PGAP4: variants seen among roughly 807,000 people sequenced by gnomAD.
PGAP4 encodes post-GPI attachment to proteins GalNAc transferase 4.
PGAP4 carries 12 observed loss-of-function variants against 28.2 expected under a neutral mutation model. The observed-to-expected ratio is 0.42, with a 90% CI of 0.27 to 0.69. The LOEUF is 0.69. Ranked by LOEUF, PGAP4 falls within the 30% of genes least tolerant of loss-of-function variation. The pLI, the probability that PGAP4 is intolerant of heterozygous loss-of-function variation, is 0.22. For synonymous variants in PGAP4, 205 were observed against 211.8 expected, an observed-to-expected ratio of 0.97 and a Z score of 0.28; for missense variants, 425 against 513.5, an observed-to-expected ratio of 0.83 and a Z score of 1.67.
intron 2 of PGAP4, among the ~76,000 whole-genome samples, chr9:101,504,205 G>GTTT (rs373740296): frequency 1.4e-4 from 5 of 34,586 alleles, no homozygotes; most frequent in Non-Finnish European, 2.4e-4. Context: ...GTGTGTGTGT[G>GTTT]TTTGTTTTTT....
chr9:101,486,148 G>A lies in PGAP4; in HGVS notation c.-78+801C>T, dbSNP rs1826609377. On this transcript the variant is annotated intron_variant, in intron 1 of 1. Coordinates refer to ENST00000374848, the MANE Select transcript of PGAP4 (RefSeq NM_032342.3). This position sits in a 1 kb window ranked among gnomAD's most constrained non-coding sequence, Gnocchi z 4.7. ...CGACACTAGCGACGCCGGAGCCAAG[G>A]GCCAGAAAGAGGGCGAGACACACCC... Among the ~76,000 whole-genome samples, 2 of 152,144 alleles carry A rather than the reference G, an allele frequency of 1.3e-5. No individual in the cohort carries two copies. The highest frequency in any genetic ancestry group is 2.9e-5 in the Non-Finnish European group (2 of 68,026).
At chr9:101,489,567 G>A (rs62575809), upstream of PGAP4, among the ~76,000 whole-genome samples, 49,741 of 152,142 alleles carry the variant, frequency 0.33, 8,297 homozygotes, top group East Asian at 0.42. Flanking sequence ...TGTCACTAAT[G>A]GAATGAGGCA....
chr9:101,519,867 G>A (rs1826973789), intron 2 of PGAP4, among the ~76,000 whole-genome samples: 1 of 152,114 alleles, frequency 6.6e-6, no homozygotes, highest in East Asian at 1.9e-4. Context: ...TTAGGTTTAA[G>A]AGCTTAATCC....
intron 2 of PGAP4, among the ~76,000 whole-genome samples, chr9:101,509,822 C>G (rs1826879825): frequency 6.6e-6 from 1 of 152,112 alleles, no homozygotes; most frequent in African/African-American, 2.4e-5. Flanking sequence ...TCAGAAGCAA[C>G]CTCTTGGACC....
chr9:101,522,777 G>C (rs1826999626), intron 2 of PGAP4, among the ~76,000 whole-genome samples: 3 of 151,970 alleles, frequency 2.0e-5, no homozygotes, highest in African/African-American at 7.2e-5. Context: ...TACTTTGTGT[G>C]TTTTGTTTTT....
At chr9:101,498,030 T>C (rs1480096255) in intron 2 of PGAP4, among the ~76,000 whole-genome samples, 1 of 151,846 alleles carries the variant, frequency 6.6e-6, no homozygotes, top group African/African-American at 2.4e-5. Context: ...TTTATATGGC[T>C]AAACCTTATT....
intron 2 of PGAP4, among the ~76,000 whole-genome samples, chr9:101,494,899 A>G (rs890142687): frequency 1.3e-5 from 2 of 150,926 alleles, no homozygotes; most frequent in Non-Finnish European, 1.5e-5. Flanking sequence ...TAAATTTTAT[A>G]TATTTTTTCA....
chr9:101,525,175 T>C (rs1219676421), intron 2 of PGAP4, among the ~76,000 whole-genome samples: 1 of 152,350 alleles, frequency 6.6e-6, no homozygotes, highest in African/African-American at 2.4e-5. Flanking sequence ...TTAAGTTCTT[T>C]GAGAAATCTC....
intron 2 of PGAP4, among the ~76,000 whole-genome samples, chr9:101,527,335 T>C (rs946865027): frequency 6.6e-6 from 1 of 152,234 alleles, no homozygotes; most frequent in Non-Finnish European, 1.5e-5. Context: ...CCTGGCCGTA[T>C]ACTACTGCTG....
intron 2 of PGAP4, among the ~76,000 whole-genome samples, chr9:101,499,083 C>T (rs80010739): frequency 0.038 from 5,756 of 151,690 alleles, 161 homozygotes; most frequent in Admixed American, 0.076. Context: ...AGTATTCAAT[C>T]GAAAAAGACT....
intron 2 of PGAP4, among the ~76,000 whole-genome samples, chr9:101,511,962 C>T: frequency 6.6e-6 from 1 of 152,094 alleles, no homozygotes; most frequent in East Asian, 1.9e-4. Context: ...TAGTCTCTCT[C>T]CAGCCAGAAT....
At chr9:101,478,441 T>C (rs958854602) in intron 1 of PGAP4, among the ~76,000 whole-genome samples, 1 of 152,204 alleles carries the variant, frequency 6.6e-6, no homozygotes, top group Non-Finnish European at 1.5e-5. Flanking sequence ...TTGTGAGTTA[T>C]TGCAAAGGGA....
At chr9:101,489,987 A>G (rs2118570136), upstream of PGAP4, among the ~76,000 whole-genome samples, 1 of 152,228 alleles carries the variant, frequency 6.6e-6, no homozygotes. Flanking sequence ...GGGATGGAGG[A>G]CAAACAATAC....
intron 2 of PGAP4, among the ~76,000 whole-genome samples, chr9:101,530,509 CTTTT>C (rs955078530): frequency 6.6e-6 from 1 of 152,160 alleles, no homozygotes; most frequent in Non-Finnish European, 1.5e-5. Flanking sequence ...ATTAAGTATT[CTTTT>C]TATCATTGCT....
intron 2 of PGAP4, among the ~76,000 whole-genome samples, chr9:101,519,087 T>C (rs929000251): frequency 6.6e-6 from 1 of 152,210 alleles, no homozygotes; most frequent in African/African-American, 2.4e-5. Context: ...CTTTTTCATA[T>C]GTTTATTGGC....
In PGAP4 at chr9:101,476,898, G is replaced by T. The variant is rs1375913590; in HGVS notation, c.195C>A (p.Phe65Leu). The change falls in exon 2 of 2, where the codon TTC becomes TTA. Residue 65 changes from phenylalanine to leucine, a missense_variant. Coordinates refer to ENST00000374848, the MANE Select transcript of PGAP4 (RefSeq NM_032342.3). This position sits in a 1 kb window ranked among gnomAD's most constrained non-coding sequence, Gnocchi z 7.0. ...HWHLNQMSQE[F>L]LQQSLKEGEA... Reference sequence around the variant, plus strand: ...CACCCTCTTTCAAGCTTTGCTGCAGGAACTCTTGGCTCATTTGGTTCAGAT... The same window carrying T: ...CACCCTCTTTCAAGCTTTGCTGCAGTAACTCTTGGCTCATTTGGTTCAGAT... 6.2e-7 allele frequency: 1 copy of T among 1,613,828 alleles called. No individual in the cohort carries two copies.
At position 101,523,619 on chromosome 9, in the gene PGAP4, C is replaced by CATTTTTTTT. The variant is rs1245170432; in HGVS notation, c.-165+7728_-165+7729insAAAAAAAAT. ...ACATTTCTCCCCTCACTTCTTGTAT[C>CATTTTTTTT]TTTTTTTTTTTTTTTTTTTTTTTTT... On this transcript the variant is annotated intron_variant, in intron 2 of 3. Transcript: ENST00000374851. Among the ~76,000 whole-genome samples, 135 of 59,320 alleles carry CATTTTTTTT rather than the reference C, an allele frequency of 2.3e-3. 12 individuals are homozygous for CATTTTTTTT. Among genetic ancestry groups the CATTTTTTTT allele is most frequent in the Admixed American group, 4.1e-3 (18 of 4,362 alleles). The allele number at this position is 59,320 out of a possible 152,430, so 38.9% of individuals were successfully genotyped here.
At chr9:101,500,102 C>G (rs1826784115) in intron 2 of PGAP4, among the ~76,000 whole-genome samples, 1 of 151,880 alleles carries the variant, frequency 6.6e-6, no homozygotes, top group Non-Finnish European at 1.5e-5. Context: ...ATTTGTTTTG[C>G]CTCTTTAATC....
intron 2 of PGAP4, among the ~76,000 whole-genome samples, chr9:101,523,130 C>G (rs1827002102): frequency 6.6e-6 from 1 of 152,114 alleles, no homozygotes; most frequent in Non-Finnish European, 1.5e-5. Context: ...TATAGGTTAC[C>G]TGATGCTTCT....
Sources: allele counts gnomAD v4.1 joint callset (sites outside exome capture counted in the v4.1 genomes callset), GRCh38; gene constraint gnomAD v4.1.1; non-coding constraint Gnocchi (gnomAD v3.1); transcripts MANE v1.5; gene names NCBI Gene and HGNC (gene_info 2026-07-23, HGNC 2026-07-21).